SEMA5A: variants seen among roughly 807,000 people sequenced by gnomAD.
SEMA5A encodes the protein semaphorin-5A.
A neutral mutation model predicts 135.5 loss-of-function variants in SEMA5A; 55 were observed. That is an observed-to-expected ratio of 0.41 (90% CI 0.33 to 0.51). The LOEUF is 0.51. Among genes scored for constraint, SEMA5A ranks in the 20% least tolerant of loss-of-function variants. The probability of loss-of-function intolerance (pLI) is 0.37; values close to 1 mark genes in which losing one functional copy is unlikely to be tolerated. For missense variants in SEMA5A, 1,290 were observed against 1,419.9 expected (o/e 0.91, Z 1.47); for synonymous variants, 580 against 546.5 (o/e 1.06, Z -0.85).
intron 5 of SEMA5A, among the ~76,000 whole-genome samples, chr5:9,279,389 C>G (rs1750428425): frequency 6.6e-6 from 1 of 152,144 alleles, no homozygotes; most frequent in Non-Finnish European, 1.5e-5. Flanking sequence ...GTTGATTTTA[C>G]AGGATCATAG....
chr5:9,226,761 G>T, intron 7 of SEMA5A, 108 bp downstream of exon 7: 3 of 777,498 alleles, frequency 3.9e-6, no homozygotes, highest in South Asian at 3.5e-5. Flanking sequence ...CTTTAGAATT[G>T]AACAGCAACA....
chr5:9,076,503 G>T (rs1336793394), intron 16 of SEMA5A, among the ~76,000 whole-genome samples: 1 of 152,120 alleles, frequency 6.6e-6, no homozygotes, highest in Non-Finnish European at 1.5e-5. Flanking sequence ...GCAGAGTAGG[G>T]TAACTATAAT....
At chr5:9,481,976 T>C (rs1759895278) in intron 1 of SEMA5A, among the ~76,000 whole-genome samples, 1 of 152,188 alleles carries the variant, frequency 6.6e-6, no homozygotes, top group Non-Finnish European at 1.5e-5. Flanking sequence ...TCCAAACCAC[T>C]TTTGTTTCAC....
intron 2 of SEMA5A, among the ~76,000 whole-genome samples, chr5:9,436,674 G>T (rs1383990182): frequency 6.6e-6 from 1 of 152,196 alleles, no homozygotes. Flanking sequence ...CGGTAATTTA[G>T]TTAGGGAGAA....
At chr5:9,334,790 A>G (rs1441009640) in intron 4 of SEMA5A, among the ~76,000 whole-genome samples, 4 of 152,230 alleles carry the variant, frequency 2.6e-5, no homozygotes, top group Non-Finnish European at 5.9e-5. Flanking sequence ...CCTTTGGAAC[A>G]TACTTATGAT....
intron 1 of SEMA5A, among the ~76,000 whole-genome samples, chr5:9,457,281 C>A (rs1037910785): frequency 6.6e-6 from 1 of 152,198 alleles, no homozygotes; most frequent in African/African-American, 2.4e-5. Context: ...GAGTAGAAAT[C>A]GCACCATGAT....
chr5:9,136,006 C>A (rs188760126), intron 13 of SEMA5A, among the ~76,000 whole-genome samples: 2 of 152,300 alleles, frequency 1.3e-5, no homozygotes, highest in African/African-American at 4.8e-5. Flanking sequence ...GCACACTAGG[C>A]GGTCTCTTCC....
chr5:9,149,062 G>A (rs139260813), intron 12 of SEMA5A, among the ~76,000 whole-genome samples: 4 of 152,144 alleles, frequency 2.6e-5, no homozygotes, highest in Non-Finnish European at 5.9e-5. Flanking sequence ...AAGGGATGTG[G>A]TGAGTAGACT....
At chr5:9,470,086 G>A (rs184358225) in intron 1 of SEMA5A, among the ~76,000 whole-genome samples, 4 of 152,304 alleles carry the variant, frequency 2.6e-5, no homozygotes, top group Admixed American at 2.0e-4. Context: ...CTTTTAAGAT[G>A]AGCATGTTAG....
chr5:9,520,372 C>T (rs1736756787), intron 1 of SEMA5A, among the ~76,000 whole-genome samples: 1 of 152,028 alleles, frequency 6.6e-6, no homozygotes, highest in African/African-American at 2.4e-5. Context: ...AGAGGAATGG[C>T]GTGCTGGGAA....
chr5:9,160,166 T>C (rs1743173390), intron 11 of SEMA5A, among the ~76,000 whole-genome samples: 2 of 152,208 alleles, frequency 1.3e-5, no homozygotes, highest in South Asian at 4.2e-4. Flanking sequence ...TGTATCCTGT[T>C]TTGCTATTGT....
At position 9,385,794 on chromosome 5, in the gene SEMA5A, CTT is replaced by C. The variant is rs5865830; in HGVS notation, c.-77-5773_-77-5772del. Among the ~76,000 whole-genome samples, 278 of 109,948 alleles carry C rather than the reference CTT, an allele frequency of 2.5e-3. 3 individuals are homozygous for C. The highest frequency in any genetic ancestry group is 7.9e-3 in the African/African-American group (219 of 27,868). 72.1% of individuals were successfully genotyped at this position (109,948 alleles called of 152,430 possible). A position where few individuals can be genotyped will look rare whatever the true frequency, so the allele number is the denominator to read the frequency against. On this transcript the variant is annotated intron_variant, in intron 2 of 22. Coordinates refer to ENST00000382496, the MANE Select transcript of SEMA5A (RefSeq NM_003966.3). Reference sequence around the variant, plus strand: ...TTGCAGGAGAAGGAGTTGGAAAGCGCTTTTTTTTTTTTTTTTTTTTGAGACAG... The same window carrying C: ...TTGCAGGAGAAGGAGTTGGAAAGCGCTTTTTTTTTTTTTTTTTTGAGACAG...
intron 3 of SEMA5A, among the ~76,000 whole-genome samples, chr5:9,353,261 GAAGC>G (rs1754268062): frequency 8.1e-6 from 1 of 123,744 alleles, no homozygotes; most frequent in African/African-American, 3.7e-5. Flanking sequence ...GAAGGGAAGG[GAAGC>G]AAAGGAAAGG....
At chr5:9,131,860 T>C (rs1397229930) in intron 13 of SEMA5A, among the ~76,000 whole-genome samples, 3 of 152,016 alleles carry the variant, frequency 2.0e-5, no homozygotes, top group Admixed American at 2.0e-4. Context: ...TAGGGACTCA[T>C]TACATCATAT....
intron 1 of SEMA5A, among the ~76,000 whole-genome samples, chr5:9,501,490 G>C (rs1235352023): frequency 2.6e-5 from 4 of 152,176 alleles, no homozygotes; most frequent in Admixed American, 2.0e-4. Context: ...AATACAGAAA[G>C]AGCATTAAGT....
At chr5:9,403,005 C>T (rs1435290429) in intron 2 of SEMA5A, among the ~76,000 whole-genome samples, 1 of 152,182 alleles carries the variant, frequency 6.6e-6, no homozygotes, top group Non-Finnish European at 1.5e-5. Flanking sequence ...AACAATTCAG[C>T]ACCCTTGACA....
intron 15 of SEMA5A, among the ~76,000 whole-genome samples, chr5:9,114,811 ACAGTC>A (rs770344803): frequency 1.3e-5 from 2 of 152,234 alleles, no homozygotes; most frequent in Non-Finnish European, 2.9e-5. Flanking sequence ...AATAGCTTTC[ACAGTC>A]CTTTCAAGTA....
chr5:9,227,681 G>T (rs370943344), intron 6 of SEMA5A, among the ~76,000 whole-genome samples: 166 of 151,824 alleles, frequency 1.1e-3, no homozygotes, highest in African/African-American at 3.8e-3. Flanking sequence ...CTCCCGAGTA[G>T]CTGGGACTAC....
At position 9,215,967 on chromosome 5, in the gene SEMA5A, C is replaced by T. The variant is rs535783689; in HGVS notation, c.646+8707G>A. Among the ~76,000 whole-genome samples, 83 of 152,132 alleles carry T rather than the reference C, an allele frequency of 5.5e-4. 1 individual carries two copies. Among genetic ancestry groups the T allele is most frequent in the South Asian group, 1.7e-3 (8 of 4,814 alleles). On this transcript the variant is annotated intron_variant, in intron 8 of 22. Transcript: ENST00000382496. The stretch of plus-strand genomic sequence containing the variant: ...CTCAGAGAGATTTGCCCTTTAAACA[C>T]AGGCTATATATGATGCATACCTGAG...
Sources: gnomAD v4.1 joint callset for allele counts (sites outside exome capture counted in the v4.1 genomes callset) on GRCh38, gnomAD v4.1.1 for gene constraint, MANE v1.5 for transcripts, NCBI Gene and HGNC (gene_info 2026-07-23, HGNC 2026-07-21) for gene names.